Variants in ARHGAP28 observed in about 807,000 individuals in gnomAD.
ARHGAP28 encodes the protein Rho GTPase activating protein 28, also known as rho GTPase-activating protein 28.
ARHGAP28 carries 56 observed loss-of-function variants against 90.7 expected under a neutral mutation model. That is an observed-to-expected ratio of 0.62 (90% confidence interval 0.50 to 0.77). ARHGAP28 has a LOEUF of 0.77. ARHGAP28 is among the 30% of genes least tolerant of loss of function. The pLI is 0.00. For missense variants in ARHGAP28, 869 were observed against 900.9 expected (o/e 0.96, Z 0.45); for synonymous variants, 308 against 323.3 (o/e 0.95, Z 0.51).
intron 1 of ARHGAP28, among the ~76,000 whole-genome samples, chr18:6,797,079 G>A (rs2056446897): frequency 6.6e-6 from 1 of 152,014 alleles, no homozygotes; most frequent in Non-Finnish European, 1.5e-5. Context: ...TAGACTTTGG[G>A]GCTCTATTTG....
intron 7 of ARHGAP28, 147 bp downstream of exon 7, chr18:6,870,879 CA>C: frequency 1.3e-6 from 1 of 769,194 alleles, no homozygotes; most frequent in Non-Finnish European, 1.9e-6. Context: ...CGGCTCACTG[CA>C]AGCTCTGCCT....
chr18:6,868,518 AGGCTGTT>A, intron 6 of ARHGAP28, among the ~76,000 whole-genome samples: 2 of 152,258 alleles, frequency 1.3e-5, no homozygotes, highest in East Asian at 3.9e-4. Flanking sequence ...TTTGCTTTAA[AGGCTGTT>A]TCCCAAGTGA....
intron 2 of ARHGAP28, among the ~76,000 whole-genome samples, chr18:6,827,869 G>A (rs2056684186): frequency 1.3e-5 from 2 of 151,880 alleles, no homozygotes; most frequent in Non-Finnish European, 2.9e-5. Context: ...TCAGACGATG[G>A]GCGGCCGGGA....
intron 4 of ARHGAP28, 131 bp downstream of exon 4, chr18:6,851,257 C>G: frequency 1.3e-6 from 1 of 770,538 alleles, no homozygotes; most frequent in South Asian, 1.8e-5. Context: ...ACACACTTAT[C>G]TACCTTAGGT....
intron 10 of ARHGAP28, among the ~76,000 whole-genome samples, chr18:6,877,077 G>A (rs906284131): frequency 2.6e-4 from 40 of 151,992 alleles, no homozygotes; most frequent in African/African-American, 9.4e-4. Flanking sequence ...ATGTGGTAAT[G>A]TTTATCAAAA....
At chr18:6,868,038 T>C in intron 5 of ARHGAP28, 112 bp from the exon 6 acceptor site, 1 of 866,142 alleles carries the variant, frequency 1.2e-6, no homozygotes, top group Non-Finnish European at 1.8e-6. Context: ...AAGAATGGCT[T>C]TTTTTATGTG....
intron 16 of ARHGAP28, among the ~76,000 whole-genome samples, chr18:6,904,649 G>T (rs2057355657): frequency 6.6e-6 from 1 of 151,906 alleles, no homozygotes; most frequent in Non-Finnish European, 1.5e-5. Context: ...ACAAAAAGTT[G>T]GTTCTTTTAA....
In ARHGAP28 at chr18:6,887,161, G is replaced by T. The variant is rs374782517; in HGVS notation, c.1458G>T (p.Gly486=). The T allele has an allele frequency of 6.2e-7, 1 of 1,613,892 alleles. No homozygotes were observed. The highest frequency in any genetic ancestry group is 1.1e-5 in the South Asian group (1 of 91,064). The change falls in exon 12 of 18, where the codon GGG becomes GGT. Residue 486 remains glycine, a synonymous_variant. Coordinates refer to ENST00000383472, the MANE Select transcript of ARHGAP28 (RefSeq NM_001366230.1). The stretch of plus-strand genomic sequence containing the variant: ...CTATTTCTGTTTTCTTGTTAGGAGG[G>T]CCTCACGTCAAAGTACAGTTTCAAG... ...IPAFISLMER[G]PHVKVQFQAL...
At chr18:6,901,067 GA>G (rs1333641716) in intron 16 of ARHGAP28, among the ~76,000 whole-genome samples, 1 of 152,108 alleles carries the variant, frequency 6.6e-6, no homozygotes, top group Non-Finnish European at 1.5e-5. Context: ...AAATGAGGGG[GA>G]AATAAACATT....
chr18:6,875,620 A>G (rs909665193), intron 9 of ARHGAP28, among the ~76,000 whole-genome samples: 2 of 152,200 alleles, frequency 1.3e-5, no homozygotes, highest in African/African-American at 4.8e-5. Context: ...ATGCACAATA[A>G]ATGGTAGTGT....
intron 1 of ARHGAP28, among the ~76,000 whole-genome samples, chr18:6,740,705 CATT>C (rs1300003672): frequency 6.6e-6 from 1 of 152,154 alleles, no homozygotes; most frequent in East Asian, 1.9e-4. Context: ...AGTGTCTTCT[CATT>C]ATTTTTAACC....
chr18:6,887,585 C>A (rs2057232983), intron 12 of ARHGAP28, among the ~76,000 whole-genome samples: 1 of 152,104 alleles, frequency 6.6e-6, no homozygotes, highest in Non-Finnish European at 1.5e-5. Flanking sequence ...TATGTGCCAC[C>A]ACACCCAGCT....
At chr18:6,873,874 C>T (rs1380863059) in intron 9 of ARHGAP28, 99 bp downstream of exon 9, 1 of 1,024,532 alleles carries the variant, frequency 9.8e-7, no homozygotes, top group Non-Finnish European at 1.5e-6. Context: ...TATTTAAAGA[C>T]ACTATCGCCC....
intron 14 of ARHGAP28, among the ~76,000 whole-genome samples, chr18:6,892,395 G>A (rs368472518): frequency 1.3e-3 from 197 of 151,712 alleles, no homozygotes; most frequent in African/African-American, 4.6e-3. Flanking sequence ...CAGGTGATCC[G>A]CCCGCCTCTG....
At chr18:6,887,367 T>G (rs1191234787) in intron 12 of ARHGAP28, 128 bp downstream of exon 12, 11 of 755,142 alleles carry the variant, frequency 1.5e-5, no homozygotes, top group Non-Finnish European at 2.5e-5. Context: ...ACACACGGCC[T>G]TTCTGTGCTC....
At chr18:6,773,151 T>A (rs1415641218) in intron 1 of ARHGAP28, among the ~76,000 whole-genome samples, 2 of 152,228 alleles carry the variant, frequency 1.3e-5, no homozygotes, top group African/African-American at 4.8e-5. Context: ...ATTTATCCAT[T>A]TATTCATTTA....
intron 2 of ARHGAP28, among the ~76,000 whole-genome samples, chr18:6,833,383 C>A (rs777499751): frequency 7.9e-5 from 12 of 152,004 alleles, no homozygotes; most frequent in Admixed American, 1.3e-4. Flanking sequence ...AGAAACCCTC[C>A]AGTTTAGAAT....
intron 1 of ARHGAP28, among the ~76,000 whole-genome samples, chr18:6,765,108 A>G (rs535128761): frequency 6.6e-6 from 1 of 152,276 alleles, no homozygotes; most frequent in Admixed American, 6.5e-5. Context: ...ATGTTGGTCC[A>G]TAGGTTTTTG....
intron 4 of ARHGAP28, among the ~76,000 whole-genome samples, chr18:6,857,944 G>A (rs12604439): frequency 0.11 from 17,331 of 152,196 alleles, 1,375 homozygotes; most frequent in East Asian, 0.32. Flanking sequence ...GCTTAATAAT[G>A]TGTGTAAAGG....
Sources: allele counts gnomAD v4.1 joint callset (sites outside exome capture counted in the v4.1 genomes callset), GRCh38; gene constraint gnomAD v4.1.1; transcripts MANE v1.5; gene names NCBI Gene and HGNC (gene_info 2026-07-23, HGNC 2026-07-21).